ETF1: variants seen among roughly 807,000 people sequenced by gnomAD.
ETF1 encodes the protein eukaryotic peptide chain release factor subunit 1.
Under a neutral mutation model 55.1 loss-of-function variants are expected in ETF1, and 4 were observed. That is an observed-to-expected ratio of 0.07 (90% CI 0.04 to 0.17). The LOEUF is 0.17. ETF1 is among the 10% of genes least tolerant of loss of function. The pLI, the probability that ETF1 is intolerant of heterozygous loss-of-function variation, is 1.00. For missense variants in ETF1, 142 were observed against 523.6 expected, an observed-to-expected ratio of 0.27 and a Z score of 7.11; for synonymous variants, 157 against 182.3, an observed-to-expected ratio of 0.86 and a Z score of 1.12.
intron 2 of ETF1, among the ~76,000 whole-genome samples, chr5:138,535,032 C>T (rs1160100163): frequency 6.7e-6 from 1 of 148,678 alleles, no homozygotes; most frequent in Non-Finnish European, 1.5e-5. Flanking sequence ...CTCACTGCAA[C>T]TTCCGCCTCT....
intron 2 of ETF1, 74 bp from the exon 3 acceptor site, chr5:138,518,941 C>G: frequency 6.3e-7 from 1 of 1,581,600 alleles, no homozygotes; most frequent in Non-Finnish European, 8.6e-7. Flanking sequence ...CTGGTAAAAG[C>G]AAGCTACAGG....
intron 2 of ETF1, among the ~76,000 whole-genome samples, chr5:138,536,891 G>C (rs1342022494): frequency 2.0e-5 from 3 of 152,106 alleles, no homozygotes; most frequent in South Asian, 4.1e-4. Context: ...GTGGAGGATG[G>C]GAGAGACCTA....
chr5:138,537,167 C>A (rs1483488872), intron 2 of ETF1, among the ~76,000 whole-genome samples: 1 of 152,166 alleles, frequency 6.6e-6, no homozygotes, highest in Non-Finnish European at 1.5e-5. Flanking sequence ...CTAAGGACCA[C>A]CACCACATCC....
intron 7 of ETF1, 107 bp downstream of exon 7, chr5:138,511,368 T>C: frequency 6.6e-7 from 1 of 1,526,204 alleles, no homozygotes; most frequent in Non-Finnish European, 8.8e-7. Context: ...GTACCTTGTC[T>C]CATACATACA....
intron 2 of ETF1, chr5:138,541,837 A>G (rs1249918977): frequency 5.5e-6 from 2 of 362,590 alleles, no homozygotes; most frequent in African/African-American, 4.2e-5. Flanking sequence ...GTAATAAAAG[A>G]AACAGGAATA....
chr5:138,530,166 A>C (rs551241486), intron 2 of ETF1, among the ~76,000 whole-genome samples: 17 of 152,118 alleles, frequency 1.1e-4, no homozygotes, highest in Admixed American at 1.0e-3. Context: ...AAAAGAATAC[A>C]TGCTCAGACA....
intron 3 of ETF1, 126 bp downstream of exon 3, chr5:138,518,566 A>T: frequency 1.3e-6 from 1 of 785,388 alleles, no homozygotes. Context: ...CTAACCACCA[A>T]GGCCAAAGAG....
intron 2 of ETF1, chr5:138,542,533 G>A (rs998768406): frequency 1.0e-6 from 1 of 1,004,922 alleles, no homozygotes. Context: ...AGCCCGAAGA[G>A]GGAGGACCTG....
chr5:138,519,307 T>C (rs1765140007), intron 2 of ETF1: 1 of 438,564 alleles, frequency 2.3e-6, no homozygotes, highest in Non-Finnish European at 3.0e-6. Flanking sequence ...TAATCAAGAA[T>C]TTAGTATTCT....
intron 2 of ETF1, 104 bp downstream of exon 2, chr5:138,542,729 G>A (rs1766237750): frequency 1.9e-6 from 3 of 1,540,668 alleles, no homozygotes; most frequent in Admixed American, 4.0e-5. Context: ...GGCGGGAGTT[G>A]GCTAGTGCCT....
intron 4 of ETF1, among the ~76,000 whole-genome samples, chr5:138,516,853 C>G (rs1447204867): frequency 6.6e-6 from 1 of 152,140 alleles, no homozygotes; most frequent in Non-Finnish European, 1.5e-5. Flanking sequence ...ATGTTCACAG[C>G]AGCATTATTC....
Position 138,507,526 on chromosome 5 carries a change from T to C in ETF1, c.*779A>G, listed in dbSNP as rs1237600927. ...ATATCCATCCCAAACCGGTTTCGAG[T>C]AGGTTAAGGTTATAGGGACCCTTGT... On this transcript the variant is annotated 3_prime_UTR_variant, in exon 11 of 11. Coordinates refer to ENST00000360541, the MANE Select transcript of ETF1 (RefSeq NM_004730.4). The C allele has an allele frequency of 1.3e-5, 2 of 152,362 alleles. No individual in the cohort carries two copies. The highest frequency in any genetic ancestry group is 2.9e-5 in the Non-Finnish European group (2 of 67,996). The allele number at this position is 152,362 out of a possible 1,614,324, so 9.4% of individuals were successfully genotyped here.
At chr5:138,536,374 G>A (rs1235732381) in intron 2 of ETF1, among the ~76,000 whole-genome samples, 3 of 152,220 alleles carry the variant, frequency 2.0e-5, no homozygotes, top group Non-Finnish European at 2.9e-5. Flanking sequence ...AGGATTGTGA[G>A]AAGAGTAAAG....
At chr5:138,526,437 G>C (rs547466445) in intron 2 of ETF1, among the ~76,000 whole-genome samples, 52 of 152,212 alleles carry the variant, frequency 3.4e-4, no homozygotes, top group African/African-American at 1.1e-3. Flanking sequence ...TTCGGTATTT[G>C]CATTGGGAAG....
Position 138,508,247 on chromosome 5 carries a change from G to A in ETF1, c.*58C>T. 1 of 1,578,192 alleles carries A rather than the reference G, an allele frequency of 6.3e-7. No homozygotes were observed. The highest frequency in any genetic ancestry group is 1.1e-5 in the South Asian group (1 of 87,538). ...TCTGTTTGGATTCCACCATGGGTAT[G>A]CTCCTTGGGTTGGATGCTGGAGGGT... On this transcript the variant is annotated 3_prime_UTR_variant, in exon 11 of 11. Coordinates refer to ENST00000360541, the MANE Select transcript of ETF1 (RefSeq NM_004730.4).
At chr5:138,522,919 T>C (rs1485231634) in intron 2 of ETF1, among the ~76,000 whole-genome samples, 1 of 151,964 alleles carries the variant, frequency 6.6e-6, no homozygotes, top group Non-Finnish European at 1.5e-5. Context: ...GTCAGGAGAA[T>C]GGTGTGAACC....
intron 2 of ETF1, among the ~76,000 whole-genome samples, chr5:138,537,152 G>A (rs973230646): frequency 6.6e-6 from 1 of 152,148 alleles, no homozygotes; most frequent in Non-Finnish European, 1.5e-5. Flanking sequence ...CATACTTGGA[G>A]GAAACTAAGG....
Position 138,512,252 on chromosome 5 carries a change from ATATATATTTTTTTTTTT to A in ETF1, c.732+495_732+511del, listed in dbSNP as rs1173106149. On this transcript the variant is annotated intron_variant, in intron 6 of 10. Coordinates refer to ENST00000360541, the MANE Select transcript of ETF1 (RefSeq NM_004730.4). ...TATATATATATATATATATATATATATATATATTTTTTTTTTTTTTTAAAGGCAATTTCTTTGGTGGA... is the reference window on the plus strand; with the variant it reads ...TATATATATATATATATATATATATATTTTAAAGGCAATTTCTTTGGTGGA... Among the ~76,000 whole-genome samples the A allele has an allele frequency of 4.3e-3, 57 of 13,124 alleles. 1 individual carries two copies. In the East Asian group the frequency reaches 0.07, roughly 16 times the overall value. The allele number at this position is 13,124 out of a possible 152,430, so 8.6% of individuals were successfully genotyped here.
At chr5:138,541,445 C>A in intron 2 of ETF1, 1 of 1,110,294 alleles carries the variant, frequency 9.0e-7, no homozygotes, top group Non-Finnish European at 1.3e-6. Flanking sequence ...CTGAATGGGG[C>A]CAAACTTTTA....
Sources: gnomAD v4.1 joint callset for allele counts (sites outside exome capture counted in the v4.1 genomes callset) on GRCh38, gnomAD v4.1.1 for gene constraint, MANE v1.5 for transcripts, NCBI Gene and HGNC (gene_info 2026-07-23, HGNC 2026-07-21) for gene names.